The following INPP4B variants were observed in gnomAD, a reference collection of about 807,000 sequenced individuals.
The protein encoded by INPP4B is inositol polyphosphate 4-phosphatase type II.
A neutral mutation model predicts 122.5 loss-of-function variants in INPP4B; 55 were observed. The ratio of observed to expected loss-of-function variants is 0.45; its 90% CI spans 0.36 to 0.56. The LOEUF (loss-of-function observed/expected upper bound fraction) is 0.56. Among genes scored for constraint, INPP4B ranks in the 20% least tolerant of loss-of-function variants. INPP4B has a pLI of 0.00. For missense variants in INPP4B, 1,000 were observed against 1,097.7 expected, an observed-to-expected ratio of 0.91 and a Z score of 1.26; for synonymous variants, 403 against 388.7, an observed-to-expected ratio of 1.04 and a Z score of -0.43.
chr4:142,040,149 GACAA>G (rs1425365075), intron 25 of INPP4B, among the ~76,000 whole-genome samples: 1 of 151,944 alleles, frequency 6.6e-6, no homozygotes, highest in Non-Finnish European at 1.5e-5. Context: ...GAGAGGGAGA[GACAA>G]ACACAGATAC....
chr4:142,466,231 G>C (rs1817741187), intron 2 of INPP4B, among the ~76,000 whole-genome samples: 1 of 152,200 alleles, frequency 6.6e-6, no homozygotes, highest in Non-Finnish European at 1.5e-5. Context: ...TGACGAAAAT[G>C]CTGACACAGA....
At chr4:142,481,388 C>A (rs1361083227) in intron 2 of INPP4B, among the ~76,000 whole-genome samples, 1 of 151,998 alleles carries the variant, frequency 6.6e-6, no homozygotes, top group Non-Finnish European at 1.5e-5. Context: ...CTATTACAAA[C>A]CCCTACAACC....
rs779066563 is a variant in INPP4B at position 142,108,145 on chromosome 4, G to A, written c.2322C>T (p.Phe774=). ...TCTTGTAATATTCTTGTAGAAGTTC[G>A]AAGTTTTCCTGATTAATACTTTCTT... The part of the protein sequence containing the change: ...SLQESINQEN[F]ELLQEYYKIF... Residue 774 remains phenylalanine, a synonymous_variant, in exon 23 of 26, where the codon TTC becomes TTT. Coordinates refer to ENST00000262992, the MANE Select transcript of INPP4B (RefSeq NM_001101669.3). 8.7e-6 allele frequency: 14 copies of A among 1,600,980 alleles called. No homozygotes were observed. The highest frequency in any genetic ancestry group is 4.5e-5 in the East Asian group (2 of 44,694).
At chr4:142,482,472 G>A (rs952363912) in intron 2 of INPP4B, among the ~76,000 whole-genome samples, 2 of 152,124 alleles carry the variant, frequency 1.3e-5, no homozygotes, top group Non-Finnish European at 2.9e-5. Flanking sequence ...CTAATCAGTT[G>A]CTTCCAAAAC....
intron 2 of INPP4B, among the ~76,000 whole-genome samples, chr4:142,464,593 G>T (rs1184171130): frequency 6.8e-6 from 1 of 147,214 alleles, no homozygotes; most frequent in Non-Finnish European, 1.5e-5. Flanking sequence ...ACCCAGAGTT[G>T]CTTTTAAGAT....
At chr4:142,839,856 T>A (rs957615198) in intron 1 of INPP4B, among the ~76,000 whole-genome samples, 1 of 152,226 alleles carries the variant, frequency 6.6e-6, no homozygotes, top group Non-Finnish European at 1.5e-5. Flanking sequence ...ATTATGCCAA[T>A]TTGGGTTCAT....
rs539723730 is a variant in INPP4B, at chr4:142,753,696, T to C, written c.-253-27795A>G. ...TTGAAATCTCACCTATAGTAGAATA[T>C]GCTTCTCAAAGAGAAAATAAAACAT... On this transcript the variant is annotated intron_variant, in intron 1 of 25. Transcript: ENST00000262992. Among the ~76,000 whole-genome samples the C allele has an allele frequency of 9.2e-5, 14 of 152,200 alleles. No homozygotes were observed. The South Asian group carries it at 2.9e-3, about 32-fold the overall frequency.
intron 6 of INPP4B, among the ~76,000 whole-genome samples, chr4:142,403,884 T>C (rs1409508185): frequency 1.3e-5 from 2 of 152,174 alleles, no homozygotes; most frequent in African/African-American, 2.4e-5. Flanking sequence ...TAGCAAAACA[T>C]GTTCAAGTAC....
chr4:142,175,792 C>T (rs929901094), intron 15 of INPP4B, among the ~76,000 whole-genome samples: 2 of 152,036 alleles, frequency 1.3e-5, no homozygotes, highest in African/African-American at 2.4e-5. Flanking sequence ...CCGTAACAGA[C>T]TTTAATAAAT....
chr4:142,513,662 C>T (rs1370964276), intron 2 of INPP4B, among the ~76,000 whole-genome samples: 1 of 152,172 alleles, frequency 6.6e-6, no homozygotes, highest in African/African-American at 2.4e-5. Context: ...CTTGCCTCGG[C>T]CTCCCAAGTG....
intron 25 of INPP4B, among the ~76,000 whole-genome samples, chr4:142,049,960 A>G (rs1415415836): frequency 2.0e-5 from 3 of 152,016 alleles, no homozygotes; most frequent in East Asian, 1.9e-4. Flanking sequence ...TTCAGACACC[A>G]TATCTCATTA....
In INPP4B at chr4:142,603,740, A is replaced by T. The variant is rs188090824; in HGVS notation, c.-191+122099T>A. Among the ~76,000 whole-genome samples the T allele has an allele frequency of 1.1e-3, 173 of 152,260 alleles. 1 individual carries two copies. Among genetic ancestry groups the T allele is most frequent in the African/African-American group, 3.8e-3 (159 of 41,570 alleles). ...GTAACAAAAAAGTCTCCAAAGAAAG[A>T]GAAGCCCAAGAACAGATGGATTCAG... On this transcript the variant is annotated intron_variant, in intron 2 of 25. Coordinates refer to ENST00000262992, the MANE Select transcript of INPP4B (RefSeq NM_001101669.3).
Position 142,838,532 on chromosome 4 carries a change from C to A in INPP4B, c.-254+7677G>T, listed in dbSNP as rs558922844. Among the ~76,000 whole-genome samples, 3 of 151,364 alleles carry A rather than the reference C, an allele frequency of 2.0e-5. No homozygotes were observed. In the East Asian group the frequency reaches 5.8e-4, roughly 29 times the overall value. Reference sequence around the variant, plus strand: ...TTGGGAGGCAGTCTTTAAAACATACCGTATGAAAAAAATATTGCAGTAAAT... The same window carrying A: ...TTGGGAGGCAGTCTTTAAAACATACAGTATGAAAAAAATATTGCAGTAAAT... On this transcript the variant is annotated intron_variant, in intron 1 of 25. Coordinates refer to ENST00000262992, the MANE Select transcript of INPP4B (RefSeq NM_001101669.3).
intron 7 of INPP4B, among the ~76,000 whole-genome samples, chr4:142,372,106 C>T (rs1199745026): frequency 6.6e-6 from 1 of 151,874 alleles, no homozygotes; most frequent in East Asian, 1.9e-4. Flanking sequence ...CATCTATTAA[C>T]AATAATAAAA....
chr4:142,423,349 A>C (rs942001854), intron 5 of INPP4B, among the ~76,000 whole-genome samples: 4 of 152,100 alleles, frequency 2.6e-5, no homozygotes, highest in African/African-American at 9.7e-5. Context: ...GCAGATTGTC[A>C]GTTGGGGCAC....
At chr4:142,058,535 G>A (rs1043247007) in intron 25 of INPP4B, among the ~76,000 whole-genome samples, 2 of 151,970 alleles carry the variant, frequency 1.3e-5, no homozygotes, top group African/African-American at 2.4e-5. Context: ...GAGACCACAC[G>A]CTCTCCAGTT....
At chr4:142,167,692 T>G (rs1403643473) in intron 16 of INPP4B, among the ~76,000 whole-genome samples, 1 of 151,778 alleles carries the variant, frequency 6.6e-6, no homozygotes, top group African/African-American at 2.4e-5. Context: ...TACACTAGTA[T>G]GTTACAAAGG....
chr4:142,558,240 G>A (rs1296286259), intron 2 of INPP4B, among the ~76,000 whole-genome samples: 2 of 152,108 alleles, frequency 1.3e-5, no homozygotes, highest in Admixed American at 1.3e-4. Flanking sequence ...TGTGTACTCA[G>A]GTCACTTATT....
At chr4:142,431,123 T>C in intron 4 of INPP4B, 46 bp downstream of exon 4, 1 of 1,440,800 alleles carries the variant, frequency 6.9e-7, no homozygotes, top group Non-Finnish European at 9.7e-7. Context: ...TCGGCCCAAT[T>C]TGCATCTTTA....
Sources: allele counts gnomAD v4.1 joint callset (sites outside exome capture counted in the v4.1 genomes callset), GRCh38; gene constraint gnomAD v4.1.1; transcripts MANE v1.5; gene names NCBI Gene and HGNC (gene_info 2026-07-23, HGNC 2026-07-21).